The following MTMR8 variants were observed in gnomAD, a reference collection of about 807,000 sequenced individuals.
MTMR8 encodes myotubularin related protein 8, also known as phosphatidylinositol-3,5-bisphosphate 3-phosphatase MTMR8.
MTMR8 carries 65 observed loss-of-function variants against 39.3 expected under a neutral mutation model. That is an observed-to-expected ratio of 1.65 (90% CI 1.35 to 2.03). The LOEUF (loss-of-function observed/expected upper bound fraction) is 2.03, where lower values mean the gene tolerates loss of function less well. MTMR8 is among the 30% of genes most tolerant of loss of function. The probability of loss-of-function intolerance (pLI) is 0.00; values close to 1 mark genes in which losing one functional copy is unlikely to be tolerated. For synonymous variants in MTMR8, 245 were observed against 185.2 expected, an observed-to-expected ratio of 1.32 and a Z score of -2.62; for missense variants, 777 against 538.9, an observed-to-expected ratio of 1.44 and a Z score of -4.37.
intron 12 of MTMR8, among the ~76,000 whole-genome samples, chrX:64,295,342 T>C (rs1180886547): frequency 9.0e-6 from 1 of 111,341 alleles, no homozygotes; most frequent in Non-Finnish European, 1.9e-5. Flanking sequence ...TCTCACAAGA[T>C]TTACAAGACT....
chrX:64,289,923 T>C (rs1043253018), intron 12 of MTMR8, among the ~76,000 whole-genome samples: 11 of 111,007 alleles, frequency 9.9e-5, no homozygotes, highest in African/African-American at 3.3e-4. Context: ...ATGATTCCTC[T>C]TATATGAGGT....
chrX:64,272,666 C>T (rs1486479302), intron 12 of MTMR8, among the ~76,000 whole-genome samples: 3 of 110,727 alleles, frequency 2.7e-5, no homozygotes, highest in Non-Finnish European at 5.7e-5. Flanking sequence ...ACATCCAGAT[C>T]TAGGAAGCCA....
intron 5 of MTMR8, among the ~76,000 whole-genome samples, chrX:64,349,481 G>A (rs1248920893): frequency 9.0e-6 from 1 of 110,973 alleles, no homozygotes; most frequent in Non-Finnish European, 1.9e-5. Flanking sequence ...TACAAGAGGT[G>A]ATAAATATTA....
intron 12 of MTMR8, among the ~76,000 whole-genome samples, chrX:64,308,821 G>A (rs1464040091): frequency 9.0e-6 from 1 of 111,283 alleles, no homozygotes; most frequent in Non-Finnish European, 1.9e-5. Flanking sequence ...TTAATATGTG[G>A]ATGTTGAGTT....
chrX:64,286,203 C>T (rs776812540), intron 12 of MTMR8, among the ~76,000 whole-genome samples: 5 of 112,168 alleles, frequency 4.5e-5, no homozygotes, highest in East Asian at 2.8e-4. Flanking sequence ...AACAACTCTA[C>T]GCAAATAAAC....
chrX:64,389,649 T>G (rs918904458), intron 1 of MTMR8, among the ~76,000 whole-genome samples: 1 of 111,722 alleles, frequency 9.0e-6, no homozygotes, highest in Admixed American at 9.5e-5. Context: ...CAGGCAAATC[T>G]CCCTGAGACA....
intron 12 of MTMR8, among the ~76,000 whole-genome samples, chrX:64,300,682 T>C (rs1921830172): frequency 9.6e-6 from 1 of 104,261 alleles, no homozygotes; most frequent in Non-Finnish European, 2.0e-5. Context: ...CGATGGTCTT[T>C]ACATTTTGGC....
chrX:64,291,025 A>T (rs1921377726), intron 12 of MTMR8, among the ~76,000 whole-genome samples: 1 of 111,522 alleles, frequency 9.0e-6, no homozygotes, highest in South Asian at 3.7e-4. Flanking sequence ...TGCATATTCA[A>T]TTTTTTAGAA....
In MTMR8 at chrX:64,331,729, C is replaced by A. The variant is rs866838281; in HGVS notation, c.1180G>T (p.Glu394Ter). Reference protein sequence around the residue: ...RCGHLDGDSKEVSPIFTQFLD... With the variant: ...RCGHLDGDSK ...AACTGGGTGAAGATAGGGGACACTT[C>A]TTTAGAGTCCCCATCGAGGTGGCCA... Residue 394 changes from glutamate to a stop codon, truncating the protein, a stop_gained, in exon 11 of 14, where the codon GAA (glutamate) becomes TAA (stop). Transcript: ENST00000374852. LOFTEE classifies it high-confidence loss of function. 8.3e-7 allele frequency: 1 copy of A among 1,206,825 alleles called. No homozygotes were observed. Among genetic ancestry groups the A allele is most frequent in the Non-Finnish European group, 1.1e-6 (1 of 892,855 alleles).
chrX:64,347,819 A>G (rs1923383554), intron 6 of MTMR8, among the ~76,000 whole-genome samples: 1 of 112,557 alleles, frequency 8.9e-6, no homozygotes, highest in African/African-American at 3.2e-5. Flanking sequence ...CAGCCCATAT[A>G]GAGCCACACA....
chrX:64,368,234 T>C (rs1924030917), intron 1 of MTMR8, among the ~76,000 whole-genome samples: 1 of 111,139 alleles, frequency 9.0e-6, no homozygotes, highest in African/African-American at 3.3e-5. Flanking sequence ...AATTACTTTC[T>C]TCACAGAATT....
intron 12 of MTMR8, among the ~76,000 whole-genome samples, chrX:64,309,772 TG>T: frequency 8.9e-6 from 1 of 112,626 alleles, no homozygotes; most frequent in South Asian, 3.7e-4. Flanking sequence ...TTTTTTGGCA[TG>T]TAATTATGTT....
chrX:64,374,093 G>C (rs1265628771), intron 1 of MTMR8, among the ~76,000 whole-genome samples: 1 of 111,852 alleles, frequency 8.9e-6, no homozygotes, highest in African/African-American at 3.3e-5. Context: ...GGAAATAAAA[G>C]TAGAATGTAT....
At chrX:64,348,504 C>G (rs1052145552) in intron 6 of MTMR8, among the ~76,000 whole-genome samples, 156 bp downstream of exon 6, 6 of 111,863 alleles carry the variant, frequency 5.4e-5, no homozygotes, top group African/African-American at 2.0e-4. Flanking sequence ...ATAAAAGGAG[C>G]CCCAAATGGC....
At chrX:64,379,082 G>A (rs1012512936) in intron 1 of MTMR8, among the ~76,000 whole-genome samples, 1 of 111,682 alleles carries the variant, frequency 9.0e-6, no homozygotes, top group African/African-American at 3.3e-5. Context: ...ACTCATACAA[G>A]GAGAAACAGA....
chrX:64,387,281 C>T (rs1924584352), intron 1 of MTMR8, among the ~76,000 whole-genome samples: 1 of 110,888 alleles, frequency 9.0e-6, no homozygotes, highest in Non-Finnish European at 1.9e-5. Flanking sequence ...TTATGCAGTC[C>T]TGAATGGTAG....
chrX:64,319,992 G>A (rs1051021096), intron 12 of MTMR8, among the ~76,000 whole-genome samples: 1 of 110,990 alleles, frequency 9.0e-6, no homozygotes, highest in African/African-American at 3.3e-5. Context: ...AATTACCTTG[G>A]GCAGTATGGC....
At chrX:64,368,427 C>G (rs1186585020) in intron 1 of MTMR8, among the ~76,000 whole-genome samples, 1 of 111,451 alleles carries the variant, frequency 9.0e-6, no homozygotes, top group Admixed American at 9.5e-5. Flanking sequence ...ACTAATGGAA[C>G]AGAACAGAGG....
At chrX:64,381,462 T>C (rs956178239) in intron 1 of MTMR8, among the ~76,000 whole-genome samples, 3 of 103,873 alleles carry the variant, frequency 2.9e-5, no homozygotes, top group South Asian at 3.9e-4. Context: ...TTTTTTTTTT[T>C]CTTGTAAATT....
Sources: gnomAD v4.1 joint callset for allele counts (sites outside exome capture counted in the v4.1 genomes callset) on GRCh38, gnomAD v4.1.1 for gene constraint, MANE v1.5 for transcripts, NCBI Gene and HGNC (gene_info 2026-07-23, HGNC 2026-07-21) for gene names.